The following CDIN1 variants were observed in gnomAD, a reference collection of about 807,000 sequenced individuals.
CDIN1 encodes CDAN1 interacting nuclease 1.
A neutral mutation model predicts 45.3 loss-of-function variants in CDIN1; 33 were observed. That is an observed-to-expected ratio of 0.73 (90% CI 0.55 to 0.97). The LOEUF is 0.97. Ranked by LOEUF, CDIN1 falls within the 50% of genes least tolerant of loss-of-function variation. The pLI is 0.00. For synonymous variants in CDIN1, 118 were observed against 124.4 expected (o/e 0.95, Z 0.34); for missense variants, 303 against 339.4 (o/e 0.89, Z 0.84).
At chr15:36,630,623 T>A (rs2039640283) in intron 1 of CDIN1, among the ~76,000 whole-genome samples, 1 of 152,206 alleles carries the variant, frequency 6.6e-6, no homozygotes, top group Non-Finnish European at 1.5e-5. Context: ...TGTCTTAGTC[T>A]GTTTTTGCTG....
At chr15:36,731,369 T>C (rs966573215) in intron 10 of CDIN1, among the ~76,000 whole-genome samples, 2 of 152,142 alleles carry the variant, frequency 1.3e-5, no homozygotes, top group Non-Finnish European at 2.9e-5. Context: ...ATTGGTAATT[T>C]CATCTACGAT....
At chr15:36,635,828 T>C (rs1283016466) in intron 1 of CDIN1, among the ~76,000 whole-genome samples, 1 of 152,184 alleles carries the variant, frequency 6.6e-6, no homozygotes, top group African/African-American at 2.4e-5. Flanking sequence ...TTTAACTCAG[T>C]GCATCAATTT....
intron 10 of CDIN1, among the ~76,000 whole-genome samples, chr15:36,720,790 C>T (rs2043386739): frequency 1.3e-5 from 2 of 152,136 alleles, no homozygotes; most frequent in Admixed American, 1.3e-4. Context: ...TGGGTATATA[C>T]CCAGTAATGG....
At chr15:36,699,352 A>G (rs1300053244) in intron 8 of CDIN1, among the ~76,000 whole-genome samples, 2 of 152,212 alleles carry the variant, frequency 1.3e-5, no homozygotes, top group Non-Finnish European at 2.9e-5. Context: ...GTGTTGTGAC[A>G]GGTAAATTTA....
In CDIN1 at chr15:36,808,740, C is replaced by T. The variant is rs1212310518; in HGVS notation, c.*287C>T. 3.1e-5 allele frequency: 14 copies of T among 454,504 alleles called. No homozygotes were observed. Among genetic ancestry groups the T allele is most frequent in the South Asian group, 1.8e-4 (9 of 50,828 alleles). 28.2% of individuals were successfully genotyped at this position (454,504 alleles called of 1,614,324 possible). ...AGATAGTCATAATCTTTCTTTCTTC[C>T]GGATGGTTTATCCTTGTATGCTGAA... On this transcript the variant is annotated 3_prime_UTR_variant, in exon 11 of 11. Coordinates refer to ENST00000566621, the MANE Select transcript of CDIN1 (RefSeq NM_001321759.2).
intron 7 of CDIN1, among the ~76,000 whole-genome samples, chr15:36,694,652 A>G (rs2042362365): frequency 6.6e-6 from 1 of 152,054 alleles, no homozygotes; most frequent in Admixed American, 6.6e-5. Flanking sequence ...GCTTATACTC[A>G]CCAAGGAAAA....
chr15:36,672,755 T>G (rs2041498695), intron 5 of CDIN1, among the ~76,000 whole-genome samples: 1 of 151,600 alleles, frequency 6.6e-6, no homozygotes, highest in African/African-American at 2.4e-5. Flanking sequence ...TTTGTCAACT[T>G]AATGGTAGGG....
At chr15:36,613,657 G>A in intron 1 of CDIN1, 2 of 1,434,692 alleles carry the variant, frequency 1.4e-6, no homozygotes, top group Admixed American at 3.3e-5. Context: ...TTGAAGAGGA[G>A]CTGGACCGTG....
intron 1 of CDIN1, among the ~76,000 whole-genome samples, chr15:36,604,029 A>G (rs929162914): frequency 6.6e-6 from 1 of 152,202 alleles, no homozygotes; most frequent in Non-Finnish European, 1.5e-5. Context: ...TGTTTCAACA[A>G]AATGTTATTG....
chr15:36,734,697 G>A (rs2043953229), intron 10 of CDIN1, among the ~76,000 whole-genome samples: 1 of 152,094 alleles, frequency 6.6e-6, no homozygotes, highest in Non-Finnish European at 1.5e-5. Flanking sequence ...AATTGTCTTT[G>A]TTTTAGGACA....
intron 10 of CDIN1, among the ~76,000 whole-genome samples, chr15:36,792,156 T>C (rs2054662050): frequency 6.6e-6 from 1 of 152,170 alleles, no homozygotes; most frequent in Non-Finnish European, 1.5e-5. Context: ...CTCTTCACAT[T>C]GACAGATTGC....
intron 1 of CDIN1, among the ~76,000 whole-genome samples, chr15:36,596,275 C>G (rs1197600283): frequency 6.6e-6 from 1 of 151,726 alleles, no homozygotes; most frequent in Non-Finnish European, 1.5e-5. Context: ...AGGATTCGAC[C>G]TGCTGGCAAA....
At chr15:36,593,972 GGATT>G (rs1411144214) in intron 1 of CDIN1, among the ~76,000 whole-genome samples, 1 of 152,190 alleles carries the variant, frequency 6.6e-6, no homozygotes, top group Non-Finnish European at 1.5e-5. Flanking sequence ...TAAAAAGAAT[GGATT>G]GATTATTCCT....
intron 1 of CDIN1, chr15:36,626,603 G>A (rs2039438289): frequency 3.5e-6 from 1 of 282,874 alleles, no homozygotes; most frequent in African/African-American, 2.3e-5. Context: ...GCTTGGATAA[G>A]GGGTCCAACT....
At chr15:36,808,254 C>A in intron 10 of CDIN1, 70 bp from the exon 11 acceptor site, 2 of 1,581,442 alleles carry the variant, frequency 1.3e-6, no homozygotes, top group Non-Finnish European at 1.7e-6. Context: ...CTTATCAGTG[C>A]CCCAAGGTGA....
At chr15:36,589,891 A>G (rs1034018571) in intron 1 of CDIN1, among the ~76,000 whole-genome samples, 2 of 152,298 alleles carry the variant, frequency 1.3e-5, no homozygotes, top group East Asian at 1.9e-4. Flanking sequence ...GAGTAGAACA[A>G]TCTGTGACCC....
intron 10 of CDIN1, among the ~76,000 whole-genome samples, chr15:36,764,908 C>A (rs76164904): frequency 0.012 from 1,808 of 152,228 alleles, 20 homozygotes; most frequent in Non-Finnish European, 0.019. Context: ...GCCTAGGTTG[C>A]CATTCCAGGG....
At chr15:36,588,733 A>C (rs115275209) in intron 1 of CDIN1, among the ~76,000 whole-genome samples, 3,285 of 152,190 alleles carry the variant, frequency 0.022, 107 homozygotes, top group African/African-American at 0.075. Context: ...TTAGCTTTAA[A>C]GACTCTTCTG....
At chr15:36,634,406 G>C (rs1172519481) in intron 1 of CDIN1, among the ~76,000 whole-genome samples, 1 of 152,052 alleles carries the variant, frequency 6.6e-6, no homozygotes, top group East Asian at 1.9e-4. Context: ...CCTGCAGAGA[G>C]AGCAAGACTC....
Sources: allele counts gnomAD v4.1 joint callset (sites outside exome capture counted in the v4.1 genomes callset), GRCh38; gene constraint gnomAD v4.1.1; transcripts MANE v1.5; gene names NCBI Gene and HGNC (gene_info 2026-07-23, HGNC 2026-07-21).